ZEB1: variants seen among roughly 807,000 people sequenced by gnomAD.
The protein encoded by ZEB1 is zinc finger E-box-binding homeobox 1.
A neutral mutation model predicts 84.9 loss-of-function variants in ZEB1; 21 were observed. The ratio of observed to expected loss-of-function variants is 0.25; its 90% CI spans 0.18 to 0.36. The LOEUF (loss-of-function observed/expected upper bound fraction) is 0.36, where lower values mean the gene tolerates loss of function less well. Ranked by LOEUF, ZEB1 falls within the 10% of genes least tolerant of loss-of-function variation. ZEB1 has a pLI of 1.00. For synonymous variants in ZEB1, 420 were observed against 471.1 expected (o/e 0.89, Z 1.41); for missense variants, 1,104 against 1,330.2 (o/e 0.83, Z 2.65).
chr10:31,418,894 T>G (rs1189743810), intron 1 of ZEB1, among the ~76,000 whole-genome samples: 1 of 152,138 alleles, frequency 6.6e-6, no homozygotes, highest in African/African-American at 2.4e-5. Flanking sequence ...TGGAACATTT[T>G]TAGATTTCAG....
intron 1 of ZEB1, among the ~76,000 whole-genome samples, chr10:31,433,024 T>G (rs1479463816): frequency 6.7e-6 from 1 of 148,438 alleles, no homozygotes; most frequent in Non-Finnish European, 1.5e-5. Flanking sequence ...ATTGTGGATA[T>G]TCTTTGATTA....
chr10:31,378,925 C>G (rs1227112091), intron 1 of ZEB1, among the ~76,000 whole-genome samples: 1 of 151,836 alleles, frequency 6.6e-6, no homozygotes, highest in African/African-American at 2.4e-5. Context: ...TGTACTTTAC[C>G]CAGTAGAAAT....
chr10:31,385,047 A>G (rs376354757), intron 1 of ZEB1, among the ~76,000 whole-genome samples: 2 of 152,154 alleles, frequency 1.3e-5, no homozygotes, highest in African/African-American at 4.8e-5. Flanking sequence ...GTGTACACTT[A>G]TTTCTTTAGT....
rs181649176 is a variant in ZEB1, at chr10:31,507,992, C to A, written c.485-2681C>A. On this transcript the variant is annotated intron_variant, in intron 4 of 8. Transcript: ENST00000424869. ...ATTTGCTTTCATTGGTTGAGTAGGG[C>A]ACTTTGGCTTTGATTCTGGGTACAT... Among the ~76,000 whole-genome samples, 137 of 152,166 alleles carry A rather than the reference C, an allele frequency of 9.0e-4. 1 individual carries two copies. The highest frequency in any genetic ancestry group is 7.7e-3 in the Admixed American group (117 of 15,284).
intron 1 of ZEB1, among the ~76,000 whole-genome samples, chr10:31,375,159 T>G (rs186715678): frequency 4.6e-5 from 7 of 151,694 alleles, no homozygotes; most frequent in Admixed American, 3.9e-4. Flanking sequence ...TCTGAATGTT[T>G]ATGCTTCATC....
intron 3 of ZEB1, among the ~76,000 whole-genome samples, chr10:31,497,196 G>A (rs1006043302): frequency 2.0e-5 from 3 of 152,014 alleles, no homozygotes; most frequent in African/African-American, 7.2e-5. Flanking sequence ...ACCTAGAATC[G>A]TTAAACTTTG....
At chr10:31,450,151 T>A (rs886838102) in intron 1 of ZEB1, among the ~76,000 whole-genome samples, 3 of 152,208 alleles carry the variant, frequency 2.0e-5, no homozygotes, top group Non-Finnish European at 4.4e-5. Context: ...TATAGAAAAA[T>A]TTAGGTAGAA....
intron 3 of ZEB1, among the ~76,000 whole-genome samples, chr10:31,499,191 C>G (rs572040247): frequency 6.6e-6 from 1 of 152,068 alleles, no homozygotes; most frequent in Non-Finnish European, 1.5e-5. Context: ...TTTTCTGGGA[C>G]GTATACCAGA....
At chr10:31,335,970 A>G (rs2037939839) in intron 1 of ZEB1, among the ~76,000 whole-genome samples, 2 of 152,210 alleles carry the variant, frequency 1.3e-5, no homozygotes, top group South Asian at 4.1e-4. Context: ...AGGTAGCATT[A>G]TATCATCATA....
intron 1 of ZEB1, among the ~76,000 whole-genome samples, chr10:31,446,303 C>G (rs1296706938): frequency 2.0e-4 from 31 of 152,064 alleles, no homozygotes; most frequent in Admixed American, 2.0e-3. Flanking sequence ...TGATTCTTCT[C>G]TCTTTTTTTA....
chr10:31,440,443 C>A (rs1371625631), intron 1 of ZEB1, among the ~76,000 whole-genome samples: 1 of 152,148 alleles, frequency 6.6e-6, no homozygotes, highest in African/African-American at 2.4e-5. Context: ...AATCCACAAC[C>A]AATATCATAC....
At chr10:31,430,989 A>T (rs577116524) in intron 1 of ZEB1, among the ~76,000 whole-genome samples, 1 of 152,240 alleles carries the variant, frequency 6.6e-6, no homozygotes, top group Non-Finnish European at 1.5e-5. Flanking sequence ...TAAGGCCCAA[A>T]TCAGTACTGC....
At chr10:31,516,841 A>G (rs1027053239) in intron 6 of ZEB1, among the ~76,000 whole-genome samples, 31 of 152,066 alleles carry the variant, frequency 2.0e-4, no homozygotes, top group African/African-American at 7.5e-4. Context: ...TTAAGTACAC[A>G]GCTCTCTGAT....
chr10:31,351,039 C>T lies in ZEB1; in HGVS notation c.58+31747C>T, dbSNP rs543305787. On this transcript the variant is annotated intron_variant, in intron 1 of 8. Coordinates refer to ENST00000424869, the MANE Select transcript of ZEB1 (RefSeq NM_001174096.2). Reference sequence around the variant, plus strand: ...TTCTCCCCCATTATGTTCACTTTCTCTCTTGTAAAAGGCTCCTTTGCAGCC... The same window carrying T: ...TTCTCCCCCATTATGTTCACTTTCTTTCTTGTAAAAGGCTCCTTTGCAGCC... 4.3e-4 allele frequency among the ~76,000 whole-genome samples: 65 copies of T among 152,270 alleles called. 1 individual carries two copies. The highest frequency in any genetic ancestry group is 1.5e-3 in the African/African-American group (64 of 41,566).
intron 1 of ZEB1, among the ~76,000 whole-genome samples, chr10:31,379,995 C>G (rs1402065015): frequency 2.6e-5 from 4 of 152,138 alleles, no homozygotes; most frequent in African/African-American, 7.2e-5. Flanking sequence ...CTAACCACCT[C>G]ATATTCTCTC....
intron 1 of ZEB1, among the ~76,000 whole-genome samples, chr10:31,409,444 T>A (rs983590985): frequency 1.3e-5 from 2 of 152,228 alleles, no homozygotes; most frequent in Non-Finnish European, 2.9e-5. Context: ...TCAGGTAGCA[T>A]GATGCCTTCA....
intron 1 of ZEB1, among the ~76,000 whole-genome samples, chr10:31,418,989 G>T (rs903716567): frequency 6.6e-6 from 1 of 152,066 alleles, no homozygotes; most frequent in Non-Finnish European, 1.5e-5. Context: ...CTTTTCTCAA[G>T]GATTTTGGAT....
At chr10:31,468,733 C>G (rs2062763050) in intron 2 of ZEB1, among the ~76,000 whole-genome samples, 1 of 152,090 alleles carries the variant, frequency 6.6e-6, no homozygotes, top group African/African-American at 2.4e-5. Context: ...AGGACACAAC[C>G]CAACATATGC....
intron 1 of ZEB1, among the ~76,000 whole-genome samples, chr10:31,432,008 G>A (rs1400661687): frequency 6.6e-6 from 1 of 152,184 alleles, no homozygotes; most frequent in Non-Finnish European, 1.5e-5. Context: ...TGTGGATACA[G>A]ATATCAGTAT....
Sources: allele counts gnomAD v4.1 joint callset (sites outside exome capture counted in the v4.1 genomes callset), GRCh38; gene constraint gnomAD v4.1.1; transcripts MANE v1.5; gene names NCBI Gene and HGNC (gene_info 2026-07-23, HGNC 2026-07-21).